CPAP: variants seen among roughly 807,000 people sequenced by gnomAD.
The protein encoded by CPAP is centrosome assembly and centriole elongation protein.
At chr13:24,918,401 T>G in the CPAP span, among the ~76,000 whole-genome samples, 2 of 152,344 alleles carry the variant, frequency 1.3e-5, no homozygotes, top group African/African-American at 4.8e-5. Flanking sequence ...CAGTTGACCC[T>G]TGAACAACAC....
chr13:24,882,476 AC>A, the CPAP span: 1 of 138,158 alleles, frequency 7.2e-6, no homozygotes, highest in African/African-American at 2.5e-5. Flanking sequence ...CCATGAGGCT[AC>A]AGTAATCTCA....
the CPAP span, chr13:24,909,805 G>T: frequency 1.2e-6 from 2 of 1,612,166 alleles, no homozygotes; most frequent in Non-Finnish European, 1.7e-6. Context: ...GGATGGTTAC[G>T]GTTTTCTTCT....
At chr13:24,884,000 TTTC>T in the CPAP span, 6 of 1,614,200 alleles carry the variant, frequency 3.7e-6, no homozygotes, top group African/African-American at 1.3e-5. Context: ...GGGAAAATGC[TTTC>T]TTCTTGTCCA....
chr13:24,922,967 C>G, the CPAP span: 1 of 152,350 alleles, frequency 6.6e-6, no homozygotes, highest in East Asian at 1.9e-4. Flanking sequence ...AGTGACGCCA[C>G]AGCGACGGGC....
chr13:24,908,821 A>T, the CPAP span, among the ~76,000 whole-genome samples: 1 of 152,228 alleles, frequency 6.6e-6, no homozygotes, highest in Non-Finnish European at 1.5e-5. Context: ...ATGGACTTGA[A>T]TATTAAGGAA....
At chr13:24,932,042 C>T in the CPAP span, among the ~76,000 whole-genome samples, 2 of 152,234 alleles carry the variant, frequency 1.3e-5, no homozygotes, top group African/African-American at 4.8e-5. Context: ...GGCGACGGTC[C>T]CTGCTAGGGA....
the CPAP span, chr13:24,892,570 A>C: frequency 6.2e-5 from 73 of 1,170,512 alleles, no homozygotes; most frequent in Middle Eastern, 8.0e-4. Flanking sequence ...CTACTTTCTG[A>C]CTCTATGAAT....
At chr13:24,933,842 A>T in the CPAP span, among the ~76,000 whole-genome samples, 1 of 151,930 alleles carries the variant, frequency 6.6e-6, no homozygotes, top group African/African-American at 2.4e-5. Context: ...CTCCTGCCTC[A>T]GCCTCCTGAG....
the CPAP span, among the ~76,000 whole-genome samples, chr13:24,923,915 G>T: frequency 6.6e-6 from 1 of 152,024 alleles, no homozygotes; most frequent in African/African-American, 2.4e-5. Context: ...TGCAAGCTCT[G>T]CCTGCCGGGT....
chr13:24,896,737 C>T, the CPAP span, among the ~76,000 whole-genome samples: 132 of 152,340 alleles, frequency 8.7e-4, no homozygotes, highest in African/African-American at 3.0e-3. Context: ...ATCTCACAAC[C>T]TTGTGTGGTC....
the CPAP span, among the ~76,000 whole-genome samples, chr13:24,899,861 T>C: frequency 2.8e-3 from 424 of 151,756 alleles, 6 homozygotes; most frequent in African/African-American, 9.9e-3. Flanking sequence ...ATCCCAACAC[T>C]GGGAGGCTGA....
At chr13:24,911,745 G>A in the CPAP span, among the ~76,000 whole-genome samples, 1 of 150,054 alleles carries the variant, frequency 6.7e-6, no homozygotes, top group Non-Finnish European at 1.5e-5. Flanking sequence ...ATGCCTTAAA[G>A]CAGGGCATGC....
the CPAP span, among the ~76,000 whole-genome samples, chr13:24,931,306 C>CTTTTTTTTTTCTT: frequency 1.4e-5 from 1 of 72,646 alleles, no homozygotes; most frequent in African/African-American, 6.6e-5. Context: ...TTTCATGTTT[C>CTTTTTTTTTTCTT]TTTTTTTTTT....
the CPAP span, chr13:24,889,192 TATTA>T: frequency 7.8e-6 from 6 of 765,652 alleles, no homozygotes; most frequent in African/African-American, 5.2e-5. Flanking sequence ...CAATTACATT[TATTA>T]ATTCAAATTC....
the CPAP span, among the ~76,000 whole-genome samples, chr13:24,914,103 G>GA: frequency 4.6e-5 from 7 of 152,076 alleles, no homozygotes; most frequent in African/African-American, 1.4e-4. Context: ...GTGCAAAGGG[G>GA]AAAAATAAAA....
At chr13:24,924,254 C>G in the CPAP span, among the ~76,000 whole-genome samples, 9 of 151,954 alleles carry the variant, frequency 5.9e-5, no homozygotes, top group Admixed American at 1.3e-4. Flanking sequence ...TTTATGATAG[C>G]CCTTTGGCTT....
At chr13:24,902,922 A>G in the CPAP span, among the ~76,000 whole-genome samples, 1 of 152,210 alleles carries the variant, frequency 6.6e-6, no homozygotes, top group Non-Finnish European at 1.5e-5. Flanking sequence ...TTAAAATAAC[A>G]AATACCAAAA....
chr13:24,884,244 A>T, the CPAP span: 5 of 1,614,090 alleles, frequency 3.1e-6, no homozygotes, highest in Middle Eastern at 3.3e-4. Flanking sequence ...ATAGTAGTAG[A>T]TCTGTAAAGA....
At chr13:24,909,716 A>C in the CPAP span, 17 of 1,376,472 alleles carry the variant, frequency 1.2e-5, no homozygotes, top group Non-Finnish European at 1.7e-5. Flanking sequence ...TTAAAGAAAA[A>C]ACATGGAAAG....
Sources: allele counts gnomAD v4.1 joint callset (sites outside exome capture counted in the v4.1 genomes callset), GRCh38; gene constraint gnomAD v4.1.1; transcripts MANE v1.5; gene names NCBI Gene and HGNC (gene_info 2026-07-23, HGNC 2026-07-21).